The following CDH18 variants were observed in gnomAD, a reference collection of about 807,000 sequenced individuals.
CDH18 encodes cadherin-18.
CDH18 carries 31 observed loss-of-function variants against 67.9 expected under a neutral mutation model. That is an observed-to-expected ratio of 0.46 (90% CI 0.34 to 0.62). The LOEUF is 0.62. Ranked by LOEUF, CDH18 falls within the 20% of genes least tolerant of loss-of-function variation. The pLI is 0.01. For synonymous variants in CDH18, 362 were observed against 347.2 expected, an observed-to-expected ratio of 1.04 and a Z score of -0.48; for missense variants, 890 against 975.5, an observed-to-expected ratio of 0.91 and a Z score of 1.17.
intron 1 of CDH18, among the ~76,000 whole-genome samples, chr5:20,273,040 G>A (rs1745552403): frequency 6.6e-6 from 1 of 151,980 alleles, no homozygotes; most frequent in African/African-American, 2.4e-5. Context: ...TAATCATTTA[G>A]GATTGTGCAA....
At chr5:19,755,542 T>TTATA (rs369677533) in intron 3 of CDH18, among the ~76,000 whole-genome samples, 114 of 133,578 alleles carry the variant, frequency 8.5e-4, no homozygotes, top group Non-Finnish European at 5.0e-4. Context: ...GTTTTATATT[T>TTATA]TATATATATA....
intron 1 of CDH18, among the ~76,000 whole-genome samples, chr5:20,351,251 GT>G (rs67108487): frequency 0.37 from 53,455 of 142,558 alleles, 12,137 homozygotes; most frequent in African/African-American, 0.65. Flanking sequence ...CATGGGGGTT[GT>G]TTTTTTTTTT....
At chr5:20,470,843 C>T (rs1204536537) in intron 1 of CDH18, among the ~76,000 whole-genome samples, 1 of 152,186 alleles carries the variant, frequency 6.6e-6, no homozygotes, top group Non-Finnish European at 1.5e-5. Flanking sequence ...CAAGTAGGGA[C>T]CTGCTGCTTT....
chr5:20,185,425 G>A (rs185113405), intron 2 of CDH18, among the ~76,000 whole-genome samples: 63 of 152,068 alleles, frequency 4.1e-4, no homozygotes, highest in Non-Finnish European at 8.1e-4. Flanking sequence ...AATGCACTCC[G>A]TTGCCTGCCC....
chr5:19,724,496 C>T (rs1373410383), intron 4 of CDH18, among the ~76,000 whole-genome samples: 1 of 133,956 alleles, frequency 7.5e-6, no homozygotes, highest in African/African-American at 2.6e-5. Context: ...ACTGAGCACA[C>T]TCGTACACAC....
At chr5:19,900,534 A>G (rs529577356) in intron 2 of CDH18, among the ~76,000 whole-genome samples, 1 of 152,316 alleles carries the variant, frequency 6.6e-6, no homozygotes, top group African/African-American at 2.4e-5. Context: ...CAATGTGTAC[A>G]TGTATTAAAA....
At chr5:20,491,195 TTTATTA>T (rs56678208) in intron 1 of CDH18, among the ~76,000 whole-genome samples, 5,748 of 149,878 alleles carry the variant, frequency 0.038, 354 homozygotes, top group African/African-American at 0.13. Flanking sequence ...TAGTATTTGG[TTTATTA>T]TTATTATTAT....
intron 2 of CDH18, among the ~76,000 whole-genome samples, chr5:20,153,927 A>AT (rs1472505025): frequency 2.6e-5 from 4 of 152,162 alleles, no homozygotes; most frequent in African/African-American, 9.6e-5. Context: ...CCATAAACAG[A>AT]TTGTTTCTGT....
intron 4 of CDH18, among the ~76,000 whole-genome samples, chr5:19,725,093 A>C (rs1766644276): frequency 2.0e-5 from 3 of 151,778 alleles, no homozygotes; most frequent in Admixed American, 6.6e-5. Flanking sequence ...CGCCTGGCTA[A>C]ATTTTTGTAT....
intron 3 of CDH18, among the ~76,000 whole-genome samples, chr5:19,756,030 C>T (rs953939665): frequency 4.6e-5 from 7 of 152,152 alleles, no homozygotes; most frequent in Admixed American, 6.6e-5. Flanking sequence ...AAGTACACCC[C>T]TTGTCAAGTT....
chr5:20,528,070 T>C (rs1322267168), intron 1 of CDH18, among the ~76,000 whole-genome samples: 1 of 152,018 alleles, frequency 6.6e-6, no homozygotes, highest in Non-Finnish European at 1.5e-5. Context: ...GAGGAAAATT[T>C]ACCAAGCAAA....
At chr5:19,510,893 C>T (rs549369007) in intron 10 of CDH18, among the ~76,000 whole-genome samples, 1 of 151,646 alleles carries the variant, frequency 6.6e-6, no homozygotes, top group African/African-American at 2.4e-5. Context: ...CTCACTACAA[C>T]TTACGCCTCC....
In CDH18 at chr5:20,458,237, A is replaced by C. The variant is rs1463354691; in HGVS notation, c.-580+117225T>G. ...GGCTCAAGTGATATTCTCGACTCAG[A>C]ATCCTGCCTGTAGCAGTTTTAAAGT... On this transcript the variant is annotated intron_variant, in intron 1 of 14. Coordinates refer to the CDH18 transcript ENST00000507958. Among the ~76,000 whole-genome samples the C allele has an allele frequency of 2.0e-5, 3 of 152,242 alleles. No homozygotes were observed. In the South Asian group the frequency reaches 6.2e-4, roughly 32 times the overall value.
chr5:20,086,553 T>C (rs1165865177), intron 2 of CDH18, among the ~76,000 whole-genome samples: 1 of 152,244 alleles, frequency 6.6e-6, no homozygotes, highest in Non-Finnish European at 1.5e-5. Context: ...GTTGACTCTC[T>C]TGTTTTAGGG....
At chr5:19,863,611 C>A (rs1424535648) in intron 2 of CDH18, among the ~76,000 whole-genome samples, 1 of 152,162 alleles carries the variant, frequency 6.6e-6, no homozygotes, top group South Asian at 2.1e-4. Flanking sequence ...GCTCAGCCCC[C>A]ACTAAGAGAA....
At chr5:20,539,751 CACACAA>C (rs1478174838) in intron 1 of CDH18, among the ~76,000 whole-genome samples, 1 of 129,028 alleles carries the variant, frequency 7.8e-6, no homozygotes, top group Non-Finnish European at 1.7e-5. Flanking sequence ...CACACACACA[CACACAA>C]ACACACACAC....
rs552698994 is a variant in CDH18 at position 20,433,257 on chromosome 5, A to ATGTG, written c.-580+142201_-580+142204dup. Among the ~76,000 whole-genome samples, 8 of 150,922 alleles carry ATGTG rather than the reference A, an allele frequency of 5.3e-5. No homozygotes were observed. In the South Asian group the frequency reaches 1.5e-3, roughly 28 times the overall value. ...ATATATATATATATACACATAATAT[A>ATGTG]TGTGTGTGTGTGTGTATATTTATAT... On this transcript the variant is annotated intron_variant, in intron 1 of 14. Coordinates refer to the CDH18 transcript ENST00000507958.
At chr5:19,521,206 TA>T (rs1460411386) in intron 9 of CDH18, among the ~76,000 whole-genome samples, 2 of 152,052 alleles carry the variant, frequency 1.3e-5, no homozygotes, top group African/African-American at 4.8e-5. Flanking sequence ...AAACAAAAAA[TA>T]AATTTCTTTA....
At chr5:19,621,994 A>G (rs1446335404) in intron 5 of CDH18, among the ~76,000 whole-genome samples, 1 of 152,184 alleles carries the variant, frequency 6.6e-6, no homozygotes, top group Non-Finnish European at 1.5e-5. Flanking sequence ...GAAATCATTC[A>G]CACATTTGTC....
Sources: gnomAD v4.1 joint callset for allele counts (sites outside exome capture counted in the v4.1 genomes callset) on GRCh38, gnomAD v4.1.1 for gene constraint, MANE v1.5 for transcripts, NCBI Gene and HGNC (gene_info 2026-07-23, HGNC 2026-07-21) for gene names.